Variants in SREBF1 observed in about 807,000 individuals in gnomAD.
SREBF1 encodes sterol regulatory element-binding protein 1.
SREBF1 carries 45 observed loss-of-function variants against 100.1 expected under a neutral mutation model. The observed-to-expected ratio is 0.45, with a 90% CI of 0.35 to 0.58. SREBF1 has a LOEUF of 0.58. Ranked by LOEUF, SREBF1 falls within the 20% of genes least tolerant of loss-of-function variation. The pLI, the probability that SREBF1 is intolerant of heterozygous loss-of-function variation, is 0.00. For missense variants in SREBF1, 1,324 were observed against 1,539.4 expected (o/e 0.86, Z 2.34); for synonymous variants, 657 against 681.8 (o/e 0.96, Z 0.57).
In SREBF1 at chr17:17,813,728, G is replaced by A; in HGVS notation, c.2943C>T (p.Arg981=). Residue 981 remains arginine (R), a synonymous_variant, in exon 17 of 19, where the codon CGC becomes CGT. Transcript: ENST00000261646. ...GCTGCTGCTGCCGCCACAGGCTGGT[G>A]CGCACCACAAGAAGCAGGTCACACA... ...LFLCDLLLVV[R]TSLWRQQQPP... 6.5e-7 allele frequency: 1 copy of A among 1,535,964 alleles called. No individual in the cohort carries two copies. Among genetic ancestry groups the A allele is most frequent in the Non-Finnish European group, 8.7e-7 (1 of 1,147,088 alleles).
chr17:17,815,181 C>G (rs776697983), intron 13 of SREBF1, 40 bp downstream of exon 13: 2 of 1,578,760 alleles, frequency 1.3e-6, no homozygotes, highest in Non-Finnish European at 1.7e-6. Flanking sequence ...AGAATCCCGC[C>G]GGAGGGGCCT....
chr17:17,814,475 C>CT, intron 15 of SREBF1, 65 bp from the exon 16 acceptor site: 1 of 1,543,690 alleles, frequency 6.5e-7, no homozygotes, highest in African/African-American at 1.4e-5. Context: ...GAGTGCCCCC[C>CT]ACTTCCCTGG....
intron 1 of SREBF1, among the ~76,000 whole-genome samples, chr17:17,835,210 G>A (rs1042659204): frequency 6.6e-6 from 1 of 152,132 alleles, no homozygotes; most frequent in Non-Finnish European, 1.5e-5. Context: ...GTTGCCTCTT[G>A]GGACTACACT....
intron 1 of SREBF1, chr17:17,823,522 G>C: frequency 6.2e-7 from 1 of 1,612,504 alleles, no homozygotes; most frequent in Non-Finnish European, 8.5e-7. Context: ...AAATACCTTC[G>C]AAAGTGCAAT....
Position 17,812,813 on chromosome 17 carries a change from C to T in SREBF1, c.3253G>A (p.Glu1085Lys), listed in dbSNP as rs2033043563. Residue 1085 changes from glutamate to lysine, a missense_variant, in exon 19 of 19, where the codon GAG becomes AAG. Coordinates refer to ENST00000261646, the MANE Select transcript of SREBF1 (RefSeq NM_004176.5). ...AELEPRPTRREHAEALLLASC... is the reference protein window; with the variant it reads ...AELEPRPTRRKHAEALLLASC... ...GCCAGCAGCAAGGCCTCCGCGTGCT[C>T]CCGCCGCGTGGGCCGCGGCTCCAGC... 2.7e-6 allele frequency: 4 copies of T among 1,491,572 alleles called. No homozygotes were observed. The highest frequency in any genetic ancestry group is 3.6e-6 in the Non-Finnish European group (4 of 1,126,090). The allele number at this position is 1,491,572 out of a possible 1,614,324, so 92.4% of individuals were successfully genotyped here. A position where few individuals can be genotyped will look rare whatever the true frequency, so the allele number is the denominator to read the frequency against.
At chr17:17,814,814 G>A (rs1398834234) in intron 14 of SREBF1, 21 bp downstream of exon 14, 1 of 1,605,372 alleles carries the variant, frequency 6.2e-7, no homozygotes, top group Admixed American at 1.7e-5. Context: ...AAGGGAGCCA[G>A]GACAGGGGCC....
intron 11 of SREBF1, 28 bp from the exon 12 acceptor site, chr17:17,816,056 A>T (rs1196649251): frequency 6.2e-7 from 1 of 1,607,646 alleles, no homozygotes; most frequent in African/African-American, 1.3e-5. Context: ...GGGCTGTCAC[A>T]GTGGACACAG....
chr17:17,812,749 C>T lies in SREBF1; in HGVS notation c.3317G>A (p.Gly1106Glu). The change falls in exon 19 of 19, where the codon GGG becomes GAG. Residue 1106 changes from glycine (G) to glutamate (E), a missense_variant. Gly to Glu is a moderately conservative substitution (Grantham distance 98, BLOSUM62 -2). Transcript: ENST00000261646. ...CTCAGCCAGCATGCCCACGCGCTGC[C>T]CGGGCGCCGACAGGAAGCCGGGGGG... Reference protein sequence around the residue: ...YLPPGFLSAPGQRVGMLAEAA... With the variant: ...YLPPGFLSAPEQRVGMLAEAA... 6.4e-7 allele frequency: 1 copy of T among 1,550,482 alleles called. No homozygotes were observed. The highest frequency in any genetic ancestry group is 8.7e-7 in the Non-Finnish European group (1 of 1,147,620).
intron 1 of SREBF1, among the ~76,000 whole-genome samples, chr17:17,834,832 G>A (rs1367434131): frequency 2.0e-5 from 3 of 152,186 alleles, no homozygotes; most frequent in Non-Finnish European, 4.4e-5. Flanking sequence ...GGCTAGCACA[G>A]TGAAACCCCG....
At position 17,818,521 on chromosome 17, in the gene SREBF1, G is replaced by A. The variant is rs535478552; in HGVS notation, c.1069-147C>T. ...TGCACTTGTTCCTTCTACCTGAACC[G>A]TTCCTCGCCTAGTAGCACCCACCTC... On this transcript the variant is annotated intron_variant, in intron 5 of 18. Transcript: ENST00000261646. The A allele has an allele frequency of 8.0e-4, 538 of 675,024 alleles. 1 individual carries two copies. The highest frequency in any genetic ancestry group is 2.1e-3 in the South Asian group (133 of 63,756). 41.8% of individuals were successfully genotyped at this position (675,024 alleles called of 1,614,324 possible). A position where few individuals can be genotyped will look rare whatever the true frequency, so the allele number is the denominator to read the frequency against.
rs1376568443 is a variant in SREBF1 at position 17,819,707 on chromosome 17, G to C, written c.542C>G (p.Thr181Ser). ...TGGCAGGCCAGGCAGCGGCTGCTGGGTGTTCCCGGGAGGGCTTCCTGCAGA... is the reference window on the plus strand; with the variant it reads ...TGGCAGGCCAGGCAGCGGCTGCTGGCTGTTCCCGGGAGGGCTTCCTGCAGA... ...GFSTGSPPGN[T>S]QQPLPGLPLA... The change falls in exon 3 of 19, where the codon ACC (threonine) becomes AGC (serine). Residue 181 changes from threonine to serine, a missense_variant. Thr to Ser is a moderately conservative substitution (Grantham distance 58, BLOSUM62 1). Coordinates refer to ENST00000261646, the MANE Select transcript of SREBF1 (RefSeq NM_004176.5). The C allele has an allele frequency of 1.9e-6, 3 of 1,606,780 alleles. No individual in the cohort carries two copies. Among genetic ancestry groups the C allele is most frequent in the Non-Finnish European group, 2.5e-6 (3 of 1,178,358 alleles).
In SREBF1 at chr17:17,836,120, G is replaced by A. The variant is rs535974096; in HGVS notation, c.91+607C>T. 5.9e-5 allele frequency among the ~76,000 whole-genome samples: 9 copies of A among 152,372 alleles called. No homozygotes were observed. In the South Asian group the frequency reaches 1.2e-3, roughly 21 times the overall value. On this transcript the variant is annotated intron_variant, in intron 1 of 18. Transcript: ENST00000261646. ...GGAGATTTTTGTGTTCCCTAAAAGA[G>A]GGGGTACCCAGGTCTGTCTGTAAAC...
At chr17:17,820,051 C>T in intron 2 of SREBF1, 39 bp downstream of exon 2, 2 of 1,576,560 alleles carry the variant, frequency 1.3e-6, no homozygotes, top group African/African-American at 2.7e-5. Flanking sequence ...CCTGGAAGCC[C>T]CACCCCGGGT....
At chr17:17,821,614 G>A (rs1317068326) in intron 1 of SREBF1, among the ~76,000 whole-genome samples, 1 of 152,200 alleles carries the variant, frequency 6.6e-6, no homozygotes, top group African/African-American at 2.4e-5. Context: ...TCAGTTTACA[G>A]GGGGAAGAGG....
rs1398157653 is a variant in SREBF1 at position 17,815,279 on chromosome 17, G to C, written c.2434C>G (p.Arg812Gly). Residue 812 changes from arginine to glycine, a missense_variant, in exon 13 of 19, where the codon CGA becomes GGA. Coordinates refer to ENST00000261646, the MANE Select transcript of SREBF1 (RefSeq NM_004176.5). ...TQLFREHLLE[R>G]ALNCVTQPNP... is the part of the protein sequence containing the mutation. Reference sequence around the variant, plus strand: ...GGCTGGGTCACACAGTTCAGTGCTCGCTCTAAGAGATGTTCCCGGAATAGC... The same window carrying C: ...GGCTGGGTCACACAGTTCAGTGCTCCCTCTAAGAGATGTTCCCGGAATAGC... The C allele has an allele frequency of 6.2e-7, 1 of 1,613,676 alleles. No homozygotes were observed. The highest frequency in any genetic ancestry group is 2.2e-5 in the East Asian group (1 of 44,882).
Position 17,817,559 on chromosome 17 carries a change from A to T in SREBF1, c.1405-102T>A, listed in dbSNP as rs764848528. On this transcript the variant is annotated intron_variant, in intron 7 of 18. Coordinates refer to ENST00000261646, the MANE Select transcript of SREBF1 (RefSeq NM_004176.5). This position sits in a 1 kb window ranked among gnomAD's most constrained non-coding sequence, Gnocchi z 6.6. ...AGGATTCTGCCCACCTTACTGTGGG[A>T]CCCCACGTGGCTCCAGGCCTCAGTT... 3 of 1,519,286 alleles carry T rather than the reference A, an allele frequency of 2.0e-6. No individual in the cohort carries two copies. Among genetic ancestry groups the T allele is most frequent in the Non-Finnish European group, 9.0e-7 (1 of 1,116,142 alleles). 94.1% of individuals were successfully genotyped at this position (1,519,286 alleles called of 1,614,324 possible). A position where few individuals can be genotyped will look rare whatever the true frequency, so the allele number is the denominator to read the frequency against.
intron 5 of SREBF1, 80 bp from the exon 6 acceptor site, chr17:17,818,454 G>C (rs971015668): frequency 1.0e-5 from 10 of 998,048 alleles, no homozygotes; most frequent in African/African-American, 9.5e-5. Context: ...CCCTAGCAAG[G>C]GGGTGCGGAG....
intron 5 of SREBF1, chr17:17,818,630 G>A: frequency 1.8e-6 from 1 of 555,768 alleles, no homozygotes. Flanking sequence ...ATCTCAGGGA[G>A]GCCTTCCCTG....
chr17:17,821,594 T>C (rs1406451285), intron 1 of SREBF1, among the ~76,000 whole-genome samples: 2 of 152,100 alleles, frequency 1.3e-5, no homozygotes, highest in South Asian at 2.1e-4. Flanking sequence ...TGGGTGATTT[T>C]CCCCTCCCCT....
Sources: gnomAD v4.1 joint callset for allele counts (sites outside exome capture counted in the v4.1 genomes callset) on GRCh38, gnomAD v4.1.1 for gene constraint, Gnocchi (gnomAD v3.1) non-coding constraint, MANE v1.5 for transcripts, NCBI Gene and HGNC (gene_info 2026-07-23, HGNC 2026-07-21) for gene names.